Variants in C10orf90 observed in about 807,000 individuals in gnomAD.
C10orf90 encodes the protein (E2-independent) E3 ubiquitin-conjugating enzyme FATS.
A neutral mutation model predicts 62.5 loss-of-function variants in C10orf90; 56 were observed. The observed-to-expected ratio is 0.90, with a 90% CI of 0.72 to 1.12. The LOEUF (loss-of-function observed/expected upper bound fraction) is 1.12. C10orf90 is among the 50% of genes most tolerant of loss of function. The pLI, the probability that C10orf90 is intolerant of heterozygous loss-of-function variation, is 0.00. For synonymous variants in C10orf90, 386 were observed against 340.4 expected, an observed-to-expected ratio of 1.13 and a Z score of -1.47; for missense variants, 970 against 880.4, an observed-to-expected ratio of 1.10 and a Z score of -1.29.
At position 126,504,341 on chromosome 10, in the gene C10orf90, T is replaced by G; in HGVS notation, c.1150A>C (p.Arg384=). ...PPQIASPKMH[R]SVLSLNLNCS... ...TTGAGGTTGAGCGACAGGACGGATC[T>G]GTGCATTTTGGGGCTGGCAATTTGA... Residue 384 remains arginine, a synonymous_variant, in exon 4 of 10, where the codon AGA becomes CGA. Coordinates refer to ENST00000488181, the MANE Select transcript of C10orf90 (RefSeq NM_001350921.2). The surrounding 1 kb of genome is among the most constrained non-coding windows in gnomAD (Gnocchi z 4.1). 1 of 1,614,196 alleles carries G rather than the reference T, an allele frequency of 6.2e-7. No homozygotes were observed. The highest frequency in any genetic ancestry group is 8.5e-7 in the Non-Finnish European group (1 of 1,180,048).
intron 2 of C10orf90, among the ~76,000 whole-genome samples, chr10:126,607,608 C>T (rs190507591): frequency 1.8e-3 from 281 of 152,196 alleles, no homozygotes; most frequent in Admixed American, 2.9e-3. Flanking sequence ...ACTTTTCTGA[C>T]GAGTTCAGTG....
Position 126,633,614 on chromosome 10 carries a change from T to C in C10orf90, c.313+12951A>G, listed in dbSNP as rs573894244. On this transcript the variant is annotated intron_variant, in intron 2 of 9. Coordinates refer to ENST00000488181, the MANE Select transcript of C10orf90 (RefSeq NM_001350921.2). Reference sequence around the variant, plus strand: ...CATGGAGACCAACTGTGCATGTTACTAGCAAGCGGGGAGATGTCCGACTTC... The same window carrying C: ...CATGGAGACCAACTGTGCATGTTACCAGCAAGCGGGGAGATGTCCGACTTC... 6.1e-4 allele frequency among the ~76,000 whole-genome samples: 93 copies of C among 152,302 alleles called. 1 individual carries two copies. Among genetic ancestry groups the C allele is most frequent in the African/African-American group, 2.2e-3 (91 of 41,578 alleles).
intron 4 of C10orf90, among the ~76,000 whole-genome samples, chr10:126,503,422 T>C (rs1862514928): frequency 6.6e-6 from 1 of 152,198 alleles, no homozygotes. Context: ...GAAAATGTCC[T>C]ATAATTATTA....
intron 2 of C10orf90, among the ~76,000 whole-genome samples, chr10:126,572,625 T>C (rs957614875): frequency 1.3e-5 from 2 of 152,166 alleles, no homozygotes; most frequent in Non-Finnish European, 2.9e-5. Flanking sequence ...ATTTTGGTTT[T>C]GGTCAGCTCC....
chr10:126,505,017 A>G lies in C10orf90; in HGVS notation c.474T>C (p.Asn158=). Reference sequence around the variant, plus strand: ...AGGAGGCCCTGTTTTCTCTTGACTTATTCTCATCAATCATCTGGGAGATGA... The same window carrying G: ...AGGAGGCCCTGTTTTCTCTTGACTTGTTCTCATCAATCATCTGGGAGATGA... ...SIVISQMIDE[N]KSRENRASLP... is the part of the protein sequence containing the mutation. Residue 158 remains asparagine (N), a synonymous_variant, in exon 4 of 10, where the codon AAT becomes AAC. Coordinates refer to ENST00000488181, the MANE Select transcript of C10orf90 (RefSeq NM_001350921.2). The G allele has an allele frequency of 1.2e-6, 2 of 1,614,184 alleles. No individual in the cohort carries two copies. The highest frequency in any genetic ancestry group is 1.7e-6 in the Non-Finnish European group (2 of 1,180,020).
intron 2 of C10orf90, among the ~76,000 whole-genome samples, chr10:126,605,663 G>A (rs377672643): frequency 4.6e-5 from 7 of 152,190 alleles, no homozygotes; most frequent in African/African-American, 1.2e-4. Context: ...CGCTGGTGCC[G>A]TGAAGATAAC....
intron 4 of C10orf90, among the ~76,000 whole-genome samples, chr10:126,498,800 C>T (rs1433148496): frequency 1.3e-5 from 2 of 152,214 alleles, no homozygotes; most frequent in Non-Finnish European, 2.9e-5. Context: ...CTTGAAGGGC[C>T]ATCCCAGATT....
intron 4 of C10orf90, among the ~76,000 whole-genome samples, chr10:126,490,101 A>ATATAATAATAATATATAATATAT (rs1861680157): frequency 1.9e-5 from 2 of 104,586 alleles, no homozygotes; most frequent in East Asian, 5.0e-4. Flanking sequence ...ATAATATATA[A>ATATAATAATAATATATAATATAT]TATATATGTA....
At chr10:126,605,230 G>A (rs776265017) in intron 2 of C10orf90, among the ~76,000 whole-genome samples, 1 of 152,212 alleles carries the variant, frequency 6.6e-6, no homozygotes, top group Non-Finnish European at 1.5e-5. Context: ...GCCCTCAGAG[G>A]GGCGTGTGCT....
intron 2 of C10orf90, among the ~76,000 whole-genome samples, chr10:126,637,319 G>A (rs1845971132): frequency 6.6e-6 from 1 of 152,124 alleles, no homozygotes; most frequent in Non-Finnish European, 1.5e-5. Flanking sequence ...TTGGAGATGG[G>A]CCTGATTCCC....
chr10:126,534,314 A>C (rs1864179088), intron 2 of C10orf90, among the ~76,000 whole-genome samples: 4 of 152,170 alleles, frequency 2.6e-5, no homozygotes, highest in Admixed American at 2.6e-4. Flanking sequence ...CTGTGTCCAA[A>C]TGACTTCTCT....
At chr10:126,543,842 G>A (rs1426948462) in intron 2 of C10orf90, among the ~76,000 whole-genome samples, 1 of 152,166 alleles carries the variant, frequency 6.6e-6, no homozygotes, top group East Asian at 1.9e-4. Context: ...CAGAAGGTTG[G>A]TATCAATGTG....
chr10:126,577,246 T>G (rs970904710), intron 2 of C10orf90, among the ~76,000 whole-genome samples: 2 of 151,962 alleles, frequency 1.3e-5, no homozygotes, highest in African/African-American at 4.8e-5. Context: ...AACATTACTA[T>G]GTACCCCATG....
At chr10:126,617,541 A>G (rs1460013447) in intron 2 of C10orf90, among the ~76,000 whole-genome samples, 3 of 152,230 alleles carry the variant, frequency 2.0e-5, no homozygotes, top group African/African-American at 4.8e-5. Context: ...GCAGGTGTAC[A>G]TATCACAGGT....
chr10:126,615,610 C>T (rs1591146589), intron 2 of C10orf90, among the ~76,000 whole-genome samples: 2 of 152,206 alleles, frequency 1.3e-5, no homozygotes, highest in South Asian at 2.1e-4. Flanking sequence ...GTTTTACCCC[C>T]CTAAGCTTTC....
chr10:126,599,585 A>G (rs1591132632), intron 2 of C10orf90, among the ~76,000 whole-genome samples: 1 of 151,800 alleles, frequency 6.6e-6, no homozygotes, highest in Non-Finnish European at 1.5e-5. Context: ...ATGCATCCTC[A>G]GAGATGTGAG....
At chr10:126,535,138 CACACAT>C (rs1385295400) in intron 2 of C10orf90, among the ~76,000 whole-genome samples, 1 of 152,110 alleles carries the variant, frequency 6.6e-6, no homozygotes, top group Non-Finnish European at 1.5e-5. Flanking sequence ...TACATACACA[CACACAT>C]ACATATATAT....
intron 2 of C10orf90, among the ~76,000 whole-genome samples, chr10:126,580,545 C>T (rs946722254): frequency 6.6e-6 from 1 of 150,776 alleles, no homozygotes; most frequent in African/African-American, 2.4e-5. Context: ...CCCAGCTACT[C>T]GGGAGGCTGA....
chr10:126,458,130 C>T (rs548873395), intron 7 of C10orf90, among the ~76,000 whole-genome samples: 106 of 152,290 alleles, frequency 7.0e-4, no homozygotes, highest in African/African-American at 2.4e-3. Flanking sequence ...AATTCTATTA[C>T]AACACCATTT....
Sources: allele counts gnomAD v4.1 joint callset (sites outside exome capture counted in the v4.1 genomes callset), GRCh38; gene constraint gnomAD v4.1.1; non-coding constraint Gnocchi (gnomAD v3.1); transcripts MANE v1.5; gene names NCBI Gene and HGNC (gene_info 2026-07-23, HGNC 2026-07-21).